Variants in BMAL2 observed in about 807,000 individuals in gnomAD.
BMAL2 encodes basic helix-loop-helix ARNT like 2.
the BMAL2 span, among the ~76,000 whole-genome samples, chr12:27,402,870 C>T: frequency 6.6e-6 from 1 of 152,234 alleles, no homozygotes. Flanking sequence ...CCCATTTAAA[C>T]TCCCAGAGGT....
the BMAL2 span, among the ~76,000 whole-genome samples, chr12:27,340,585 C>T: frequency 2.6e-5 from 4 of 151,520 alleles, no homozygotes; most frequent in Non-Finnish European, 4.4e-5. Context: ...CTTGGCTATT[C>T]GGGCTTTTTT....
chr12:27,387,045 A>C, the BMAL2 span, among the ~76,000 whole-genome samples: 1 of 152,074 alleles, frequency 6.6e-6, no homozygotes, highest in Non-Finnish European at 1.5e-5. Context: ...TCAACTTGAC[A>C]CTCTTTATAA....
chr12:27,412,174 G>A, the BMAL2 span, among the ~76,000 whole-genome samples: 2 of 152,190 alleles, frequency 1.3e-5, no homozygotes, highest in African/African-American at 4.8e-5. Flanking sequence ...TACTGCAAGG[G>A]CATTTTAAGA....
the BMAL2 span, among the ~76,000 whole-genome samples, chr12:27,350,318 A>G: frequency 1.3e-5 from 2 of 152,220 alleles, no homozygotes; most frequent in Non-Finnish European, 2.9e-5. Flanking sequence ...CCTCGCCCAC[A>G]AAGGGAATCG....
the BMAL2 span, among the ~76,000 whole-genome samples, chr12:27,359,553 G>A: frequency 6.6e-6 from 1 of 151,972 alleles, no homozygotes; most frequent in African/African-American, 2.4e-5. Context: ...ATGGTGGTAC[G>A]TGCCTGTAGT....
At chr12:27,398,775 G>A in the BMAL2 span, among the ~76,000 whole-genome samples, 1 of 152,184 alleles carries the variant, frequency 6.6e-6, no homozygotes, top group Non-Finnish European at 1.5e-5. Context: ...TAAAAATACA[G>A]ACTTTCTTAA....
chr12:27,416,023 T>A, the BMAL2 span: 2 of 1,050,722 alleles, frequency 1.9e-6, no homozygotes, highest in Non-Finnish European at 2.8e-6. Flanking sequence ...TTATTTCTTT[T>A]AAGAAAAGAA....
chr12:27,416,279 A>G, the BMAL2 span, among the ~76,000 whole-genome samples: 105,684 of 151,954 alleles, frequency 0.7, 37,310 homozygotes, highest in Middle Eastern at 0.88. Context: ...TTAAATACAT[A>G]AACAAAAACT....
the BMAL2 span, among the ~76,000 whole-genome samples, chr12:27,390,924 A>T: frequency 6.6e-6 from 1 of 152,220 alleles, no homozygotes; most frequent in East Asian, 1.9e-4. Flanking sequence ...ATATGGAGCC[A>T]CAAAAATTCA....
At chr12:27,424,740 G>A in the BMAL2 span, 4 of 152,174 alleles carry the variant, frequency 2.6e-5, no homozygotes, top group Admixed American at 6.5e-5. Flanking sequence ...ACAATGTTAC[G>A]GGCAGACAGG....
the BMAL2 span, among the ~76,000 whole-genome samples, chr12:27,362,384 C>T: frequency 1.3e-5 from 2 of 152,122 alleles, no homozygotes; most frequent in Non-Finnish European, 2.9e-5. Flanking sequence ...AAACTTAATT[C>T]CAAAGTGCCT....
the BMAL2 span, among the ~76,000 whole-genome samples, chr12:27,359,835 A>G: frequency 6.6e-6 from 1 of 152,122 alleles, no homozygotes; most frequent in Non-Finnish European, 1.5e-5. Context: ...ACTTCTGTTT[A>G]TTCCATGAAC....
At chr12:27,370,837 C>T in the BMAL2 span, among the ~76,000 whole-genome samples, 1 of 152,114 alleles carries the variant, frequency 6.6e-6, no homozygotes, top group Non-Finnish European at 1.5e-5. Context: ...ATCTCTTGAC[C>T]TCGTGATCCA....
At chr12:27,351,843 A>G in the BMAL2 span, among the ~76,000 whole-genome samples, 1 of 152,222 alleles carries the variant, frequency 6.6e-6, no homozygotes, top group Admixed American at 6.5e-5. Context: ...CAATGGCAAT[A>G]AATGTCTCCT....
the BMAL2 span, among the ~76,000 whole-genome samples, chr12:27,344,778 C>T: frequency 6.6e-6 from 1 of 152,216 alleles, no homozygotes; most frequent in South Asian, 2.1e-4. Context: ...GATGACATAG[C>T]AAAGTTGCTT....
the BMAL2 span, among the ~76,000 whole-genome samples, chr12:27,351,159 T>A: frequency 0.069 from 10,487 of 152,022 alleles, 474 homozygotes; most frequent in Non-Finnish European, 0.1. Flanking sequence ...CTGCTAACTT[T>A]TTGTATTTTG....
At chr12:27,364,831 T>C in the BMAL2 span, among the ~76,000 whole-genome samples, 3 of 152,164 alleles carry the variant, frequency 2.0e-5, no homozygotes, top group Non-Finnish European at 4.4e-5. Context: ...AAAGTTTTAG[T>C]TTTTCCCTAA....
the BMAL2 span, among the ~76,000 whole-genome samples, chr12:27,345,849 A>C: frequency 6.6e-6 from 1 of 152,160 alleles, no homozygotes; most frequent in Non-Finnish European, 1.5e-5. Flanking sequence ...CTTTTATTGC[A>C]AAGTAAGAAA....
the BMAL2 span, chr12:27,368,455 T>C: frequency 1.3e-6 from 2 of 1,589,624 alleles, no homozygotes; most frequent in African/African-American, 1.3e-5. Context: ...TCTTTGACTT[T>C]AGGGAGAAGA....
Sources: allele counts gnomAD v4.1 joint callset (sites outside exome capture counted in the v4.1 genomes callset), GRCh38; gene constraint gnomAD v4.1.1; transcripts MANE v1.5; gene names NCBI Gene and HGNC (gene_info 2026-07-23, HGNC 2026-07-21).